The following UBR3 variants were observed in gnomAD, a reference collection of about 807,000 sequenced individuals.
UBR3 encodes ubiquitin protein ligase E3 component n-recognin 3.
A neutral mutation model predicts 243.2 loss-of-function variants in UBR3; 85 were observed. The observed-to-expected ratio is 0.35, with a 90% CI of 0.29 to 0.42. UBR3 has a LOEUF of 0.42. UBR3 is among the 10% of genes least tolerant of loss of function. UBR3 has a pLI of 1.00. For synonymous variants in UBR3, 748 were observed against 799.8 expected (o/e 0.94, Z 1.09); for missense variants, 1,686 against 2,300.8 (o/e 0.73, Z 5.47).
chr2:170,032,127 T>C (rs1310482351), intron 31 of UBR3, among the ~76,000 whole-genome samples: 3 of 152,152 alleles, frequency 2.0e-5, no homozygotes, highest in Non-Finnish European at 4.4e-5. Flanking sequence ...GTGAAATTCT[T>C]TGTTTACTGA....
intron 27 of UBR3, among the ~76,000 whole-genome samples, chr2:170,004,652 TATAATTTCAGCACTTTGGGAGGCTGAG>T (rs2105402753): frequency 6.6e-6 from 1 of 152,246 alleles, no homozygotes; most frequent in East Asian, 1.9e-4. Flanking sequence ...GGCTCATGCC[TATAATTTCAGCACTTTGGGAGGCTGAG>T]GTGGGTGGAT....
intron 25 of UBR3, among the ~76,000 whole-genome samples, chr2:169,990,803 CAGA>C (rs1425877860): frequency 6.6e-6 from 1 of 151,380 alleles, no homozygotes; most frequent in African/African-American, 2.4e-5. Flanking sequence ...CAATTAATTA[CAGA>C]AGAAGGCAGT....
chr2:169,969,791 C>T (rs1019104157), intron 24 of UBR3, among the ~76,000 whole-genome samples: 5 of 132,812 alleles, frequency 3.8e-5, no homozygotes, highest in Non-Finnish European at 8.8e-5. Context: ...CCTCGTGATC[C>T]GCCCACCTCC....
At chr2:170,019,727 T>A (rs2105414673) in intron 30 of UBR3, among the ~76,000 whole-genome samples, 1 of 152,264 alleles carries the variant, frequency 6.6e-6, no homozygotes, top group South Asian at 2.1e-4. Context: ...AATTTCTCCC[T>A]ACAGTTAGGG....
chr2:169,948,947 T>G (rs912110741), intron 22 of UBR3, among the ~76,000 whole-genome samples: 4 of 151,854 alleles, frequency 2.6e-5, no homozygotes, highest in African/African-American at 9.7e-5. Context: ...TCATAGTCCT[T>G]GACCCACAAA....
Position 169,905,300 on chromosome 2 carries a change from A to G in UBR3, c.1645+7A>G, listed in dbSNP as rs1396048019. 1 of 1,471,958 alleles carries G rather than the reference A, an allele frequency of 6.8e-7. No homozygotes were observed. The highest frequency in any genetic ancestry group is 9.0e-7 in the Non-Finnish European group (1 of 1,111,604). 91.2% of individuals were successfully genotyped at this position (1,471,958 alleles called of 1,614,324 possible). A position where few individuals can be genotyped will look rare whatever the true frequency, so the allele number is the denominator to read the frequency against. On this transcript the variant is annotated splice_region_variant and intron_variant, in intron 9 of 38. Transcript: ENST00000272793. The stretch of plus-strand genomic sequence containing the variant: ...TTTGTATCTTTCTTTCAAGGTATGA[A>G]TTTTATCCCTTTGTTAATTTTTTGG...
chr2:170,004,910 T>C (rs1475885621), intron 27 of UBR3, among the ~76,000 whole-genome samples: 2 of 147,528 alleles, frequency 1.4e-5, no homozygotes, highest in Non-Finnish European at 3.0e-5. Flanking sequence ...AAACTCCATC[T>C]CAAAACAAAC....
chr2:169,890,601 A>ATGTG (rs1290416590), intron 5 of UBR3, among the ~76,000 whole-genome samples: 1 of 139,744 alleles, frequency 7.2e-6, no homozygotes, highest in Non-Finnish European at 1.5e-5. Context: ...ATGTATATAT[A>ATGTG]TGTATATATA....
intron 24 of UBR3, among the ~76,000 whole-genome samples, chr2:169,969,414 G>A (rs1186716018): frequency 6.6e-6 from 1 of 151,980 alleles, no homozygotes; most frequent in Non-Finnish European, 1.5e-5. Flanking sequence ...ACAGATACTT[G>A]GTTTTCCAAA....
rs375136768 is a variant in UBR3, at chr2:170,006,925, TG to T, written c.4030-63del. ...GTTTATTAATTTACTATAAAATGGG[TG>T]GTATAATTTTTGTTTTCTATGAATG... On this transcript the variant is annotated intron_variant, in intron 27 of 38. Coordinates refer to ENST00000272793, the MANE Select transcript of UBR3 (RefSeq NM_172070.4). 2.1e-5 allele frequency: 27 copies of T among 1,303,200 alleles called. No individual in the cohort carries two copies. The East Asian group carries it at 3.7e-4, about 18-fold the overall frequency. 80.7% of individuals were successfully genotyped at this position (1,303,200 alleles called of 1,614,324 possible).
intron 36 of UBR3, chr2:170,077,911 T>G (rs2091843595): frequency 2.0e-6 from 1 of 502,308 alleles, no homozygotes; most frequent in Admixed American, 2.8e-5. Context: ...TTAACACTTC[T>G]GTATCTCCCT....
intron 25 of UBR3, among the ~76,000 whole-genome samples, chr2:169,992,975 G>A (rs1299667346): frequency 6.9e-6 from 1 of 145,274 alleles, no homozygotes; most frequent in African/African-American, 2.5e-5. Context: ...TGGCCAGGCC[G>A]GTCTTGAACT....
At chr2:170,002,999 A>T (rs1447572636) in intron 27 of UBR3, among the ~76,000 whole-genome samples, 1 of 152,130 alleles carries the variant, frequency 6.6e-6, no homozygotes, top group East Asian at 1.9e-4. Context: ...CAGGTCTACT[A>T]TATTCTCATG....
chr2:170,063,306 G>T (rs1291246203), intron 35 of UBR3, among the ~76,000 whole-genome samples: 1 of 152,164 alleles, frequency 6.6e-6, no homozygotes, highest in Non-Finnish European at 1.5e-5. Flanking sequence ...CAGGGCAGAT[G>T]CACAGGGGAT....
intron 1 of UBR3, among the ~76,000 whole-genome samples, chr2:169,862,860 C>A (rs2083137792): frequency 6.6e-6 from 1 of 152,084 alleles, no homozygotes; most frequent in Non-Finnish European, 1.5e-5. Context: ...CAGATTATAT[C>A]ATCAGGGCTT....
intron 5 of UBR3, among the ~76,000 whole-genome samples, chr2:169,885,318 A>T (rs1320113317): frequency 6.6e-6 from 1 of 152,242 alleles, no homozygotes; most frequent in African/African-American, 2.4e-5. Context: ...GCAGTAGCTC[A>T]TGCCTGTAAT....
intron 25 of UBR3, among the ~76,000 whole-genome samples, chr2:169,987,812 G>C (rs1451316413): frequency 6.6e-6 from 1 of 152,150 alleles, no homozygotes; most frequent in Admixed American, 6.6e-5. Context: ...GTAGGGTAAA[G>C]TGGAAAGAGT....
rs578007034 is a variant in UBR3, at chr2:170,083,122, T to C, written c.*1279T>C. 1 of 152,694 alleles carries C rather than the reference T, an allele frequency of 6.5e-6. No individual in the cohort carries two copies. The highest frequency in any genetic ancestry group is 2.1e-4 in the South Asian group (1 of 4,822). 9.5% of individuals were successfully genotyped at this position (152,694 alleles called of 1,614,324 possible). On this transcript the variant is annotated 3_prime_UTR_variant, in exon 39 of 39. Coordinates refer to ENST00000272793, the MANE Select transcript of UBR3 (RefSeq NM_172070.4). ...CCCTGGTACTTTGGACTTCCATGGC[T>C]TGTTATATAAAATTACATTTTTACA...
intron 24 of UBR3, among the ~76,000 whole-genome samples, chr2:169,962,542 C>A (rs1050326892): frequency 1.3e-5 from 2 of 152,070 alleles, no homozygotes; most frequent in Admixed American, 6.6e-5. Context: ...GCAATACTTT[C>A]CTTCTTACAT....
Sources: gnomAD v4.1 joint callset for allele counts (sites outside exome capture counted in the v4.1 genomes callset) on GRCh38, gnomAD v4.1.1 for gene constraint, MANE v1.5 for transcripts, NCBI Gene and HGNC (gene_info 2026-07-23, HGNC 2026-07-21) for gene names.